PHLDB2: variants seen among roughly 807,000 people sequenced by gnomAD.
PHLDB2 encodes the protein pleckstrin homology-like domain family B member 2.
Under a neutral mutation model 123.6 loss-of-function variants are expected in PHLDB2, and 71 were observed. The observed-to-expected ratio is 0.57, with a 90% CI of 0.47 to 0.70. The LOEUF is 0.70. Ranked by LOEUF, PHLDB2 falls within the 30% of genes least tolerant of loss-of-function variation. The pLI, the probability that PHLDB2 is intolerant of heterozygous loss-of-function variation, is 0.00. For synonymous variants in PHLDB2, 547 were observed against 541.6 expected, an observed-to-expected ratio of 1.01 and a Z score of -0.14; for missense variants, 1,446 against 1,519.5, an observed-to-expected ratio of 0.95 and a Z score of 0.80.
intron 1 of PHLDB2, among the ~76,000 whole-genome samples, chr3:111,784,326 T>C (rs1027429216): frequency 6.6e-6 from 1 of 152,188 alleles, no homozygotes; most frequent in African/African-American, 2.4e-5. Flanking sequence ...CTGCAAAAAT[T>C]GTTCTTCTGA....
chr3:111,853,586 G>T (rs1314836647), intron 2 of PHLDB2, among the ~76,000 whole-genome samples: 2 of 152,130 alleles, frequency 1.3e-5, no homozygotes, highest in Non-Finnish European at 2.9e-5. Context: ...CTCATAAAAT[G>T]TGAGTTCAGC....
intron 1 of PHLDB2, among the ~76,000 whole-genome samples, chr3:111,733,377 A>G (rs1230491380): frequency 6.6e-6 from 1 of 152,186 alleles, no homozygotes; most frequent in Non-Finnish European, 1.5e-5. Context: ...GTCCCTCTGT[A>G]GCAAAGGCAT....
At chr3:111,882,856 T>C (rs1038609452) in intron 1 of PHLDB2, among the ~76,000 whole-genome samples, 2 of 152,178 alleles carry the variant, frequency 1.3e-5, no homozygotes, top group African/African-American at 4.8e-5. Flanking sequence ...CTTATGTTCA[T>C]CAAGTTTTTC....
chr3:111,947,448 TCTG>T (rs1211085518), intron 9 of PHLDB2, among the ~76,000 whole-genome samples: 2 of 152,194 alleles, frequency 1.3e-5, no homozygotes, highest in African/African-American at 4.8e-5. Context: ...CTTTTTTTCT[TCTG>T]CTCTCTCTTT....
Position 111,945,365 on chromosome 3 carries a change from A to G in PHLDB2, c.2487+8A>G. On this transcript the variant is annotated splice_region_variant and intron_variant, in intron 9 of 17. Transcript: ENST00000431670. The stretch of plus-strand genomic sequence containing the variant: ...CCCAATACTTTAAAAGAGGTAAGCT[A>G]TGATTTTACATGTCGCTTTATGTTG... 3 of 1,553,672 alleles carry G rather than the reference A, an allele frequency of 1.9e-6. No individual in the cohort carries two copies. Among genetic ancestry groups the G allele is most frequent in the Non-Finnish European group, 2.7e-6 (3 of 1,127,440 alleles).
intron 1 of PHLDB2, among the ~76,000 whole-genome samples, chr3:111,825,239 A>T (rs2062599302): frequency 6.6e-6 from 1 of 152,232 alleles, no homozygotes; most frequent in Non-Finnish European, 1.5e-5. Flanking sequence ...GACAAGCTGG[A>T]TCCAGATTCT....
chr3:111,832,400 A>G (rs1351531010), intron 1 of PHLDB2, among the ~76,000 whole-genome samples: 1 of 151,612 alleles, frequency 6.6e-6, no homozygotes, highest in East Asian at 1.9e-4. Context: ...CAAAAAAACA[A>G]AAAGATAAAT....
upstream of PHLDB2, among the ~76,000 whole-genome samples, chr3:111,856,510 T>C (rs1045193565): frequency 2.0e-5 from 3 of 152,250 alleles, no homozygotes; most frequent in Non-Finnish European, 4.4e-5. Flanking sequence ...ACGTATACAA[T>C]AGTAATTATT....
At chr3:111,806,115 C>G (rs997538501) in intron 1 of PHLDB2, among the ~76,000 whole-genome samples, 1 of 152,146 alleles carries the variant, frequency 6.6e-6, no homozygotes, top group East Asian at 1.9e-4. Flanking sequence ...TCTCTAGAAT[C>G]ATTATAGCAG....
chr3:111,741,779 A>G (rs1277000496), intron 1 of PHLDB2, among the ~76,000 whole-genome samples: 2 of 152,312 alleles, frequency 1.3e-5, no homozygotes, highest in East Asian at 3.9e-4. Context: ...GCCACAACAC[A>G]TTTTAATCAT....
At chr3:111,943,232 A>G (rs2070033643) in intron 8 of PHLDB2, among the ~76,000 whole-genome samples, 1 of 152,176 alleles carries the variant, frequency 6.6e-6, no homozygotes, top group African/African-American at 2.4e-5. Context: ...AAGTCCAAAA[A>G]TGGACCCATA....
chr3:111,949,166 T>C lies in PHLDB2; in HGVS notation c.2631+91T>C, dbSNP rs956911825. On this transcript the variant is annotated intron_variant, in intron 10 of 17. Transcript: ENST00000431670. ...ACTGAAAATGAGGTCCACGAGAACGTGCATGACAAATGTATATCTGTTTGG... is the reference window on the plus strand; with the variant it reads ...ACTGAAAATGAGGTCCACGAGAACGCGCATGACAAATGTATATCTGTTTGG... 1.3e-5 allele frequency: 18 copies of C among 1,439,392 alleles called. No homozygotes were observed. In the Admixed American group the frequency reaches 3.0e-4, roughly 24 times the overall value. 89.2% of individuals were successfully genotyped at this position (1,439,392 alleles called of 1,614,324 possible). A position where few individuals can be genotyped will look rare whatever the true frequency, so the allele number is the denominator to read the frequency against.
At chr3:111,757,886 G>A (rs533618685) in intron 1 of PHLDB2, among the ~76,000 whole-genome samples, 7 of 152,290 alleles carry the variant, frequency 4.6e-5, no homozygotes, top group East Asian at 1.9e-4. Flanking sequence ...TGTTTGCCTC[G>A]GTATCTGCAG....
chr3:111,798,108 T>C (rs1212461791), intron 1 of PHLDB2, among the ~76,000 whole-genome samples: 1 of 152,168 alleles, frequency 6.6e-6, no homozygotes, highest in African/African-American at 2.4e-5. Context: ...CACTCCATCC[T>C]GGGTGACACA....
chr3:111,750,660 C>T (rs753054712), intron 1 of PHLDB2, among the ~76,000 whole-genome samples: 3 of 151,892 alleles, frequency 2.0e-5, no homozygotes, highest in Non-Finnish European at 4.4e-5. Flanking sequence ...TAAAATTCCC[C>T]GGGGGCCGGA....
chr3:111,935,033 G>T (rs2069385316), intron 6 of PHLDB2, among the ~76,000 whole-genome samples: 2 of 151,302 alleles, frequency 1.3e-5, no homozygotes, highest in Non-Finnish European at 2.9e-5. Context: ...TCCCAGCCAG[G>T]TAACTGTCTT....
chr3:111,846,752 CAA>C (rs749422589), intron 2 of PHLDB2, among the ~76,000 whole-genome samples: 1 of 152,010 alleles, frequency 6.6e-6, no homozygotes, highest in African/African-American at 2.4e-5. Flanking sequence ...GAAGGAGAGA[CAA>C]AGAGAGATTT....
intron 2 of PHLDB2, among the ~76,000 whole-genome samples, chr3:111,899,544 G>C (rs993819920): frequency 6.6e-6 from 1 of 152,156 alleles, no homozygotes; most frequent in Non-Finnish European, 1.5e-5. Context: ...TGTCATCTAG[G>C]CTTTGTTGGC....
chr3:111,799,855 T>A (rs921706062), intron 1 of PHLDB2, among the ~76,000 whole-genome samples: 1 of 152,170 alleles, frequency 6.6e-6, no homozygotes, highest in Admixed American at 6.5e-5. Context: ...ATTAGGGAGA[T>A]CTATAGATAC....
Sources: allele counts gnomAD v4.1 joint callset (sites outside exome capture counted in the v4.1 genomes callset), GRCh38; gene constraint gnomAD v4.1.1; transcripts MANE v1.5; gene names NCBI Gene and HGNC (gene_info 2026-07-23, HGNC 2026-07-21).